Variants in TTC28 observed in about 807,000 individuals in gnomAD.
The protein encoded by TTC28 is tetratricopeptide repeat protein 28.
TTC28 carries 61 observed loss-of-function variants against 198.0 expected under a neutral mutation model. The ratio of observed to expected loss-of-function variants is 0.31; its 90% CI spans 0.25 to 0.38. The LOEUF (loss-of-function observed/expected upper bound fraction) is 0.38. TTC28 is among the 10% of genes least tolerant of loss of function. The pLI is 1.00. For missense variants in TTC28, 2,678 were observed against 3,164.0 expected (o/e 0.85, Z 3.69); for synonymous variants, 1,171 against 1,297.8 (o/e 0.90, Z 2.10).
intron 13 of TTC28, among the ~76,000 whole-genome samples, chr22:28,026,135 G>C (rs1816537351): frequency 6.6e-6 from 1 of 152,230 alleles, no homozygotes. Flanking sequence ...GGCTCTGGGA[G>C]CACTACTGCC....
chr22:28,218,844 CA>C (rs1927616965), intron 5 of TTC28, among the ~76,000 whole-genome samples: 1 of 151,790 alleles, frequency 6.6e-6, no homozygotes, highest in Non-Finnish European at 1.5e-5. Context: ...TTATGGCAGT[CA>C]AAAATACAAT....
At chr22:28,152,673 G>A (rs1022659162) in intron 6 of TTC28, among the ~76,000 whole-genome samples, 1 of 152,156 alleles carries the variant, frequency 6.6e-6, no homozygotes, top group African/African-American at 2.4e-5. Context: ...CATATTAAGA[G>A]GTTATTTAGA....
At chr22:28,672,630 T>C (rs1014265800) in intron 1 of TTC28, among the ~76,000 whole-genome samples, 1 of 152,230 alleles carries the variant, frequency 6.6e-6, no homozygotes. Flanking sequence ...ATCAATAATA[T>C]TTTCTTGCTG....
intron 6 of TTC28, among the ~76,000 whole-genome samples, chr22:28,150,630 C>T (rs1257350628): frequency 6.6e-6 from 1 of 152,190 alleles, no homozygotes; most frequent in Non-Finnish European, 1.5e-5. Context: ...GGTGCAGTGT[C>T]CAGCACAGAT....
chr22:28,171,828 G>C lies in TTC28; in HGVS notation c.934-8229C>G, dbSNP rs183939879. On this transcript the variant is annotated intron_variant, in intron 5 of 22. Transcript: ENST00000397906. ...GTGTGCTTCTGGCAGAAGCAGCAAT[G>C]AAGTCAACAAAGAGCATGTCACTTG... Among the ~76,000 whole-genome samples, 143 of 152,218 alleles carry C rather than the reference G, an allele frequency of 9.4e-4. 1 individual carries two copies. The highest frequency in any genetic ancestry group is 3.3e-3 in the African/African-American group (136 of 41,540).
intron 2 of TTC28, among the ~76,000 whole-genome samples, chr22:28,533,516 T>C (rs2034531007): frequency 6.6e-6 from 1 of 152,142 alleles, no homozygotes; most frequent in African/African-American, 2.4e-5. Flanking sequence ...GCCATCCCCA[T>C]CAAGCTACCA....
At position 27,981,704 on chromosome 22, in the gene TTC28, A is replaced by G. The variant is rs1937028357; in HGVS notation, c.*517T>C. The G allele has an allele frequency of 6.6e-6, 1 of 152,376 alleles. No individual in the cohort carries two copies. The highest frequency in any genetic ancestry group is 1.5e-5 in the Non-Finnish European group (1 of 68,248). The allele number at this position is 152,376 out of a possible 1,614,324, so 9.4% of individuals were successfully genotyped here. A position where few individuals can be genotyped will look rare whatever the true frequency, so the allele number is the denominator to read the frequency against. ...ACAAATCATTGGCATTTTAAAAACC[A>G]TTTTTCTGTTTTTGGCTAATATAAC... On this transcript the variant is annotated 3_prime_UTR_variant, in exon 23 of 23. Transcript: ENST00000397906.
chr22:28,279,240 G>A (rs2044532439), intron 5 of TTC28, among the ~76,000 whole-genome samples: 1 of 152,046 alleles, frequency 6.6e-6, no homozygotes, highest in Non-Finnish European at 1.5e-5. Context: ...ACAATTTAAA[G>A]TAAGTTTTAG....
chr22:28,608,674 A>C (rs950721538), intron 2 of TTC28, among the ~76,000 whole-genome samples: 4 of 152,180 alleles, frequency 2.6e-5, no homozygotes, highest in African/African-American at 9.7e-5. Context: ...GTTCTACATA[A>C]ATGGGAAGTG....
rs536071332 is a variant in TTC28, at chr22:28,312,247, C to T, written c.382-5604G>A. ...TTAGAGACCTACAAAGAGACTTAGA[C>T]TCCCACACAATAATAGTGGGAGACT... On this transcript the variant is annotated intron_variant, in intron 2 of 22. Transcript: ENST00000397906. Among the ~76,000 whole-genome samples the T allele has an allele frequency of 3.9e-5, 6 of 152,218 alleles. No individual in the cohort carries two copies. In the East Asian group the frequency reaches 1.2e-3, roughly 29 times the overall value.
chr22:28,323,854 G>C (rs2045484479), intron 2 of TTC28, among the ~76,000 whole-genome samples: 1 of 152,040 alleles, frequency 6.6e-6, no homozygotes, highest in Non-Finnish European at 1.5e-5. Flanking sequence ...AATAAGAAAG[G>C]ATCCTAAAAG....
intron 2 of TTC28, among the ~76,000 whole-genome samples, chr22:28,308,677 T>G (rs2045192888): frequency 6.6e-6 from 1 of 152,150 alleles, no homozygotes; most frequent in South Asian, 2.1e-4. Flanking sequence ...AGAAGGTGCA[T>G]GTTTTGTTTT....
intron 2 of TTC28, among the ~76,000 whole-genome samples, chr22:28,366,481 T>C (rs951212507): frequency 1.3e-5 from 2 of 152,142 alleles, no homozygotes; most frequent in African/African-American, 2.4e-5. Flanking sequence ...AAAAAAGATA[T>C]GCAGATAATC....
intron 2 of TTC28, among the ~76,000 whole-genome samples, chr22:28,537,092 G>A (rs1374368017): frequency 1.3e-5 from 2 of 151,522 alleles, no homozygotes; most frequent in African/African-American, 4.8e-5. Flanking sequence ...AGGAGATCGA[G>A]ACCATCCTGG....
intron 1 of TTC28, among the ~76,000 whole-genome samples, chr22:28,673,476 A>G (rs1289623951): frequency 1.3e-5 from 2 of 152,208 alleles, no homozygotes; most frequent in African/African-American, 2.4e-5. Context: ...CCATAATGGA[A>G]GTCAAAAATC....
chr22:27,985,397 A>C, intron 21 of TTC28, 41 bp from the exon 22 acceptor site: 1 of 1,483,576 alleles, frequency 6.7e-7, no homozygotes, highest in South Asian at 1.2e-5. Context: ...TCCTTCGGGA[A>C]GATTCCAGAT....
intron 2 of TTC28, among the ~76,000 whole-genome samples, chr22:28,570,479 T>C: frequency 6.6e-6 from 1 of 152,108 alleles, no homozygotes; most frequent in Non-Finnish European, 1.5e-5. Flanking sequence ...TTCTCATGTA[T>C]AAGTGGGAGC....
intron 1 of TTC28, among the ~76,000 whole-genome samples, chr22:28,676,300 G>C (rs1207618764): frequency 2.0e-5 from 3 of 152,180 alleles, no homozygotes; most frequent in Non-Finnish European, 4.4e-5. Context: ...GAAACCTCCA[G>C]AAGAGCTAAA....
Position 27,983,423 on chromosome 22 carries a change from G to A in TTC28, c.6244C>T (p.His2082Tyr). The change falls in exon 23 of 23, where the codon CAC (histidine) becomes TAC (tyrosine). Residue 2082 changes from histidine to tyrosine, a missense_variant. His to Tyr is a moderately conservative substitution (Grantham distance 83). This residue lies in a region of TTC28 where 622 missense variants were observed against 656.0 expected (regional missense o/e 0.95). Transcript: ENST00000397906. ...GCTGTCCCAGGTTGGGGTTGTTTGT[G>A]GTCTGGTGAGAAGCATGTGTTTCGG... is the stretch of plus-strand genomic sequence containing the variant. Reference protein sequence around the residue: ...ENRNTCFSPDHKQPQPGTAGG... With the variant: ...ENRNTCFSPDYKQPQPGTAGG... The A allele has an allele frequency of 6.4e-7, 1 of 1,550,994 alleles. No homozygotes were observed. The highest frequency in any genetic ancestry group is 8.7e-7 in the Non-Finnish European group (1 of 1,146,932).
Sources: allele counts gnomAD v4.1 joint callset (sites outside exome capture counted in the v4.1 genomes callset), GRCh38; gene constraint gnomAD v4.1.1; regional missense constraint gnomAD v4.1.1; transcripts MANE v1.5; gene names NCBI Gene and HGNC (gene_info 2026-07-23, HGNC 2026-07-21).